PPFIA2: variants seen among roughly 807,000 people sequenced by gnomAD.
PPFIA2 encodes the protein liprin-alpha-2.
In PPFIA2, 46 loss-of-function variants were observed where a neutral mutation model predicts 175.5. The observed-to-expected ratio is 0.26, with a 90% CI of 0.21 to 0.34. The LOEUF is 0.34. Ranked by LOEUF, PPFIA2 falls within the 10% of genes least tolerant of loss-of-function variation. The probability of loss-of-function intolerance (pLI) is 1.00; values close to 1 mark genes in which losing one functional copy is unlikely to be tolerated. For synonymous variants in PPFIA2, 568 were observed against 511.4 expected, an observed-to-expected ratio of 1.11 and a Z score of -1.49; for missense variants, 1,179 against 1,506.1, an observed-to-expected ratio of 0.78 and a Z score of 3.60.
Position 81,514,967 on chromosome 12 carries a change from G to A in PPFIA2, c.304-57101C>T, listed in dbSNP as rs562572437. ...TTATCCACTTTTTTGCATTCCTTAA[G>A]TGTTGTTTTCTGCTATTATATTCAA... On this transcript the variant is annotated intron_variant, in intron 4 of 32. Coordinates refer to ENST00000549396, the MANE Select transcript of PPFIA2 (RefSeq NM_003625.5). 5.9e-5 allele frequency among the ~76,000 whole-genome samples: 9 copies of A among 151,916 alleles called. No individual in the cohort carries two copies. The East Asian group carries it at 1.7e-3, about 29-fold the overall frequency.
chr12:81,269,675 A>G, intron 28 of PPFIA2, among the ~76,000 whole-genome samples: 1 of 152,194 alleles, frequency 6.6e-6, no homozygotes. Context: ...TCATTACAGA[A>G]TCGCCTTGCC....
intron 5 of PPFIA2, among the ~76,000 whole-genome samples, chr12:81,455,570 C>T (rs2053434565): frequency 6.6e-6 from 1 of 152,136 alleles, no homozygotes; most frequent in South Asian, 2.1e-4. Flanking sequence ...ACCTTCCTCC[C>T]TTTATTATCC....
At chr12:81,469,023 G>A (rs931955553) in intron 4 of PPFIA2, among the ~76,000 whole-genome samples, 1 of 152,138 alleles carries the variant, frequency 6.6e-6, no homozygotes, top group African/African-American at 2.4e-5. Flanking sequence ...TAGTTGTCTG[G>A]CAATAGAGGC....
At chr12:81,683,076 G>T (rs993669667) in intron 3 of PPFIA2, among the ~76,000 whole-genome samples, 5 of 152,100 alleles carry the variant, frequency 3.3e-5, no homozygotes, top group African/African-American at 1.2e-4. Flanking sequence ...CCACTTAGAT[G>T]TATTATAGCC....
intron 4 of PPFIA2, among the ~76,000 whole-genome samples, chr12:81,485,966 G>A (rs1214783773): frequency 6.6e-6 from 1 of 151,770 alleles, no homozygotes; most frequent in Non-Finnish European, 1.5e-5. Flanking sequence ...CAGCATATAT[G>A]AGGTCATTCT....
At chr12:81,677,557 A>AT (rs917959754) in intron 3 of PPFIA2, among the ~76,000 whole-genome samples, 162 of 151,112 alleles carry the variant, frequency 1.1e-3, no homozygotes, top group Admixed American at 6.6e-4. Flanking sequence ...CCATGAGATC[A>AT]TTTTTTTTTA....
chr12:81,417,791 C>T (rs150423034), intron 7 of PPFIA2, among the ~76,000 whole-genome samples: 53 of 151,808 alleles, frequency 3.5e-4, no homozygotes, highest in Admixed American at 1.8e-3. Context: ...TCTTTACACC[C>T]TTACTATTAT....
At chr12:81,698,955 A>G (rs1234340173) in intron 3 of PPFIA2, among the ~76,000 whole-genome samples, 2 of 152,132 alleles carry the variant, frequency 1.3e-5, no homozygotes, top group African/African-American at 4.8e-5. Flanking sequence ...GCGTTGGTAG[A>G]GCTAAGATTT....
chr12:81,309,560 C>T (rs1055605059), intron 22 of PPFIA2, among the ~76,000 whole-genome samples: 6 of 151,950 alleles, frequency 3.9e-5, no homozygotes, highest in African/African-American at 1.4e-4. Flanking sequence ...CCTGTGTATC[C>T]TATTATTGCA....
chr12:81,316,868 C>T (rs1464574048), intron 22 of PPFIA2, among the ~76,000 whole-genome samples: 1 of 151,516 alleles, frequency 6.6e-6, no homozygotes, highest in Non-Finnish European at 1.5e-5. Flanking sequence ...ACTACATATT[C>T]TTTAAATCAC....
chr12:81,347,801 TA>T, intron 17 of PPFIA2, 31 bp from the exon 18 acceptor site: 1 of 1,602,050 alleles, frequency 6.2e-7, no homozygotes, highest in South Asian at 1.1e-5. Context: ...ATGATCCATA[TA>T]TAATTTAATA....
At chr12:81,726,747 C>T (rs1192672943) in intron 3 of PPFIA2, among the ~76,000 whole-genome samples, 1 of 151,292 alleles carries the variant, frequency 6.6e-6, no homozygotes, top group African/African-American at 2.4e-5. Flanking sequence ...TGGCCTGCCT[C>T]TTATTGTGTG....
At chr12:81,637,427 G>T (rs1779665454) in intron 4 of PPFIA2, among the ~76,000 whole-genome samples, 1 of 151,148 alleles carries the variant, frequency 6.6e-6, no homozygotes, top group Non-Finnish European at 1.5e-5. Context: ...TTTCTAGATT[G>T]GTCTTCCTTT....
intron 7 of PPFIA2, chr12:81,430,455 C>T (rs1447401143): frequency 6.6e-6 from 1 of 151,844 alleles, no homozygotes; most frequent in Non-Finnish European, 1.5e-5. Context: ...TAAGTGAAAT[C>T]ATTTCATATC....
chr12:81,471,865 A>G (rs530684190), intron 4 of PPFIA2, among the ~76,000 whole-genome samples: 1 of 152,178 alleles, frequency 6.6e-6, no homozygotes, highest in Non-Finnish European at 1.5e-5. Context: ...TAGGTGACAT[A>G]AGGAAATTTT....
intron 4 of PPFIA2, among the ~76,000 whole-genome samples, chr12:81,551,192 C>G (rs2067859503): frequency 6.6e-6 from 1 of 151,914 alleles, no homozygotes; most frequent in South Asian, 2.1e-4. Flanking sequence ...TAGCATGTAG[C>G]AGATGTTCAA....
At chr12:81,573,312 A>G (rs1413888033) in intron 4 of PPFIA2, among the ~76,000 whole-genome samples, 1 of 151,940 alleles carries the variant, frequency 6.6e-6, no homozygotes, top group Non-Finnish European at 1.5e-5. Flanking sequence ...CAGAGTGGGT[A>G]CATAGCTGTC....
chr12:81,662,670 A>G (rs1324643158), intron 4 of PPFIA2, among the ~76,000 whole-genome samples: 1 of 152,214 alleles, frequency 6.6e-6, no homozygotes, highest in East Asian at 1.9e-4. Context: ...CAATCAATTG[A>G]AAAAGAAGTA....
intron 4 of PPFIA2, among the ~76,000 whole-genome samples, chr12:81,663,304 CA>C (rs1389929425): frequency 1.3e-5 from 2 of 152,128 alleles, no homozygotes; most frequent in East Asian, 3.9e-4. Context: ...CGTCTCAGCC[CA>C]AAACCTCCTT....
Sources: allele counts gnomAD v4.1 joint callset (sites outside exome capture counted in the v4.1 genomes callset), GRCh38; gene constraint gnomAD v4.1.1; transcripts MANE v1.5; gene names NCBI Gene and HGNC (gene_info 2026-07-23, HGNC 2026-07-21).